The following LRRTM4 variants were observed in gnomAD, a reference collection of about 807,000 sequenced individuals.
LRRTM4 encodes the protein leucine rich repeat transmembrane neuronal 4.
In LRRTM4, 25 loss-of-function variants were observed where a neutral mutation model predicts 47.6. The ratio of observed to expected loss-of-function variants is 0.53; its 90% confidence interval spans 0.38 to 0.73. The LOEUF (loss-of-function observed/expected upper bound fraction) is 0.73, where lower values mean the gene tolerates loss of function less well. LRRTM4 is among the 30% of genes least tolerant of loss of function. The pLI, the probability that LRRTM4 is intolerant of heterozygous loss-of-function variation, is 0.00. For missense variants in LRRTM4, 638 were observed against 713.4 expected (o/e 0.89, Z 1.20); for synonymous variants, 311 against 269.5 (o/e 1.15, Z -1.51).
At position 77,429,501 on chromosome 2, in the gene LRRTM4, T is replaced by C. The variant is rs529622553; in HGVS notation, c.1551+88817A>G. On this transcript the variant is annotated intron_variant, in intron 3 of 3. Transcript: ENST00000409884. Reference sequence around the variant, plus strand: ...AAAGAAAATGTGATACTATACACAATGAAATACTACTCAGCCTTAAAAAAA... The same window carrying C: ...AAAGAAAATGTGATACTATACACAACGAAATACTACTCAGCCTTAAAAAAA... Among the ~76,000 whole-genome samples the C allele has an allele frequency of 5.9e-5, 9 of 152,176 alleles. 1 individual carries two copies. The highest frequency in any genetic ancestry group is 2.2e-4 in the African/African-American group (9 of 41,506).
At chr2:76,999,787 T>A (rs1216458918) in intron 3 of LRRTM4, among the ~76,000 whole-genome samples, 1 of 152,126 alleles carries the variant, frequency 6.6e-6, no homozygotes, top group African/African-American at 2.4e-5. Flanking sequence ...ATTTTCCACT[T>A]GTCTCAGGAT....
intron 3 of LRRTM4, among the ~76,000 whole-genome samples, chr2:76,924,651 G>A (rs10084200): frequency 0.11 from 16,862 of 151,718 alleles, 1,389 homozygotes; most frequent in East Asian, 0.46. Context: ...CAGTTTGAGC[G>A]TAATACAAAT....
At chr2:77,210,924 A>G (rs1268998305) in intron 3 of LRRTM4, among the ~76,000 whole-genome samples, 1 of 152,162 alleles carries the variant, frequency 6.6e-6, no homozygotes, top group Non-Finnish European at 1.5e-5. Context: ...TCTGCTGAGC[A>G]ACGGGAGATG....
chr2:77,278,736 C>T (rs1676432393), intron 3 of LRRTM4, among the ~76,000 whole-genome samples: 1 of 151,952 alleles, frequency 6.6e-6, no homozygotes, highest in African/African-American at 2.4e-5. Flanking sequence ...TCTTACTTTA[C>T]CAATTTGTAC....
At chr2:77,216,071 G>A (rs923438129) in intron 3 of LRRTM4, among the ~76,000 whole-genome samples, 7 of 147,570 alleles carry the variant, frequency 4.7e-5, no homozygotes, top group African/African-American at 8.0e-5. Context: ...AAAAGCTGAG[G>A]ACTATGATAC....
chr2:76,946,807 T>C (rs1384928766), intron 3 of LRRTM4, among the ~76,000 whole-genome samples: 2 of 151,936 alleles, frequency 1.3e-5, no homozygotes. Context: ...TTTTTATTCC[T>C]GTAAAATTTT....
chr2:76,773,806 A>T (rs900124019), intron 3 of LRRTM4, among the ~76,000 whole-genome samples: 3 of 147,482 alleles, frequency 2.0e-5, no homozygotes, highest in South Asian at 4.3e-4. Flanking sequence ...AGTTTTTGGC[A>T]TTTTTTTTTT....
At chr2:77,338,547 T>C (rs1433863780) in intron 3 of LRRTM4, among the ~76,000 whole-genome samples, 1 of 151,860 alleles carries the variant, frequency 6.6e-6, no homozygotes, top group Non-Finnish European at 1.5e-5. Context: ...CGAGATATCA[T>C]CTCATACCAG....
At chr2:77,045,321 T>G (rs12990839) in intron 3 of LRRTM4, among the ~76,000 whole-genome samples, 16,949 of 151,664 alleles carry the variant, frequency 0.11, 1,191 homozygotes, top group Non-Finnish European at 0.16. Flanking sequence ...TTTTCCTCAT[T>G]CCTTTTATCT....
rs138945241 is a variant in LRRTM4 at position 77,381,735 on chromosome 2, T to C, written c.1551+136583A>G. Among the ~76,000 whole-genome samples the C allele has an allele frequency of 6.2e-3, 948 of 152,128 alleles. 9 individuals are homozygous for C. The highest frequency in any genetic ancestry group is 0.022 in the African/African-American group (913 of 41,554). The stretch of plus-strand genomic sequence containing the variant: ...CTTTGTAGTAGATGATATAGTGACA[T>C]TTTGAAAAATAATATCCATTAAACC... On this transcript the variant is annotated intron_variant, in intron 3 of 3. Transcript: ENST00000409884.
intron 3 of LRRTM4, among the ~76,000 whole-genome samples, chr2:77,278,626 A>G (rs1676429345): frequency 6.6e-6 from 1 of 152,030 alleles, no homozygotes; most frequent in Non-Finnish European, 1.5e-5. Flanking sequence ...GTGACTTTCA[A>G]GGCATGGTTA....
At chr2:76,950,078 C>T (rs1238839928) in intron 3 of LRRTM4, among the ~76,000 whole-genome samples, 2 of 151,762 alleles carry the variant, frequency 1.3e-5, no homozygotes, top group Non-Finnish European at 2.9e-5. Context: ...GAAATGAATT[C>T]ACAAATTATG....
At chr2:76,781,657 C>T (rs1159233795) in intron 3 of LRRTM4, among the ~76,000 whole-genome samples, 1 of 152,258 alleles carries the variant, frequency 6.6e-6, no homozygotes, top group Admixed American at 6.5e-5. Flanking sequence ...CACTGTCTGG[C>T]ACTCCCAATG....
intron 3 of LRRTM4, among the ~76,000 whole-genome samples, chr2:77,417,023 T>C (rs746971819): frequency 2.6e-5 from 4 of 152,000 alleles, no homozygotes; most frequent in Non-Finnish European, 5.9e-5. Flanking sequence ...CCAGAATCTA[T>C]GATGAACTCC....
At chr2:77,386,618 G>C (rs1034484070) in intron 3 of LRRTM4, among the ~76,000 whole-genome samples, 1 of 152,192 alleles carries the variant, frequency 6.6e-6, no homozygotes, top group African/African-American at 2.4e-5. Context: ...TATATACCCA[G>C]TAATGGGATT....
chr2:77,000,193 G>A (rs1013099303), intron 3 of LRRTM4, among the ~76,000 whole-genome samples: 1 of 152,060 alleles, frequency 6.6e-6, no homozygotes, highest in Non-Finnish European at 1.5e-5. Context: ...TCAAAACTGT[G>A]AATGAGCCTG....
At chr2:77,364,673 G>C (rs1385325935) in intron 3 of LRRTM4, among the ~76,000 whole-genome samples, 1 of 151,956 alleles carries the variant, frequency 6.6e-6, no homozygotes, top group Non-Finnish European at 1.5e-5. Flanking sequence ...CTGTAATGCA[G>C]CTTCTACCCC....
Position 77,039,573 on chromosome 2 carries a change from C to G in LRRTM4, c.1552-290657G>C, listed in dbSNP as rs1458826014. 4.6e-5 allele frequency among the ~76,000 whole-genome samples: 7 copies of G among 151,056 alleles called. No individual in the cohort carries two copies. The East Asian group carries it at 1.2e-3, about 25-fold the overall frequency. On this transcript the variant is annotated intron_variant, in intron 3 of 3. Transcript: ENST00000409884. ...GGATTTATGTAAAACAAACACCTCC[C>G]CAATCTATCTTCCATTTGTTAGGAA... is the stretch of plus-strand genomic sequence containing the variant.
intron 3 of LRRTM4, among the ~76,000 whole-genome samples, chr2:76,760,967 T>C (rs1673231750): frequency 6.6e-6 from 1 of 152,224 alleles, no homozygotes; most frequent in African/African-American, 2.4e-5. Context: ...CTGTAGTGAT[T>C]TTAAAAACAC....
Sources: gnomAD v4.1 joint callset for allele counts (sites outside exome capture counted in the v4.1 genomes callset) on GRCh38, gnomAD v4.1.1 for gene constraint, MANE v1.5 for transcripts, NCBI Gene and HGNC (gene_info 2026-07-23, HGNC 2026-07-21) for gene names.